Variants in PRR11 observed in about 807,000 individuals in gnomAD.
The protein encoded by PRR11 is proline rich 11, also known as proline-rich protein 11.
A neutral mutation model predicts 45.6 loss-of-function variants in PRR11; 30 were observed. The observed-to-expected ratio is 0.66, with a 90% CI of 0.49 to 0.89. PRR11 has a LOEUF of 0.89. Among genes scored for constraint, PRR11 ranks in the 40% least tolerant of loss-of-function variants. PRR11 has a pLI of 0.00. For missense variants in PRR11, 373 were observed against 424.8 expected, an observed-to-expected ratio of 0.88 and a Z score of 1.07; for synonymous variants, 128 against 153.5, an observed-to-expected ratio of 0.83 and a Z score of 1.23.
chr17:59,169,277 T>C (rs1173665499), intron 1 of PRR11, among the ~76,000 whole-genome samples: 1 of 152,054 alleles, frequency 6.6e-6, no homozygotes, highest in South Asian at 2.1e-4. Context: ...TTTGTATTTT[T>C]AGTAGAGACG....
At chr17:59,177,230 A>G (rs754818372) in intron 2 of PRR11, 1 of 547,292 alleles carries the variant, frequency 1.8e-6, no homozygotes, top group South Asian at 1.4e-5. Flanking sequence ...CGGCTAAAAT[A>G]TGCTATGACC....
At position 59,197,396 on chromosome 17, in the gene PRR11, C is replaced by T. The variant is rs944407562; in HGVS notation, c.858-148C>T. On this transcript the variant is annotated intron_variant, in intron 7 of 9. Coordinates refer to ENST00000262293, the MANE Select transcript of PRR11 (RefSeq NM_018304.4). ...CCTCCCGAGTAGCTGGGACTACAGG[C>T]GCCCACCACCACACCTGGCTAATTT... The T allele has an allele frequency of 7.5e-6, 5 of 669,250 alleles. No homozygotes were observed. The Admixed American group carries it at 1.0e-4, about 14-fold the overall frequency. The allele number at this position is 669,250 out of a possible 1,614,324, so 41.5% of individuals were successfully genotyped here.
intron 1 of PRR11, among the ~76,000 whole-genome samples, chr17:59,158,451 A>G (rs1270310139): frequency 6.6e-6 from 1 of 152,224 alleles, no homozygotes; most frequent in Non-Finnish European, 1.5e-5. Flanking sequence ...GAAAATTTCC[A>G]TGTTTATGTT....
chr17:59,159,794 AC>A (rs1202639576), intron 1 of PRR11, among the ~76,000 whole-genome samples: 1 of 152,132 alleles, frequency 6.6e-6, no homozygotes, highest in African/African-American at 2.4e-5. Flanking sequence ...GCCCACCTTA[AC>A]CTAGCCCCTT....
intron 5 of PRR11, 50 bp from the exon 6 acceptor site, chr17:59,194,707 C>T: frequency 7.1e-7 from 1 of 1,407,432 alleles, no homozygotes; most frequent in Non-Finnish European, 9.9e-7. Flanking sequence ...TTGCATTTCA[C>T]CAGTTGTGCT....
At chr17:59,158,851 C>T (rs2046638405) in intron 1 of PRR11, among the ~76,000 whole-genome samples, 1 of 152,178 alleles carries the variant, frequency 6.6e-6, no homozygotes, top group Non-Finnish European at 1.5e-5. Context: ...TTGGCCCACA[C>T]CCAGGTGTGG....
At chr17:59,177,430 G>A (rs1443441418) in intron 2 of PRR11, among the ~76,000 whole-genome samples, 1 of 152,150 alleles carries the variant, frequency 6.6e-6, no homozygotes, top group Non-Finnish European at 1.5e-5. Flanking sequence ...AAGGTCGGAT[G>A]CAAATCCGAG....
At chr17:59,191,204 CT>C (rs1568326027) in intron 4 of PRR11, among the ~76,000 whole-genome samples, 2 of 112,660 alleles carry the variant, frequency 1.8e-5, no homozygotes, top group South Asian at 3.0e-4. Flanking sequence ...ATGTTTCTTT[CT>C]TTTTTTCTTT....
At chr17:59,156,418 A>G (rs1049098099) in intron 1 of PRR11, among the ~76,000 whole-genome samples, 1 of 152,016 alleles carries the variant, frequency 6.6e-6, no homozygotes, top group African/African-American at 2.4e-5. Context: ...AAAAAAAAAA[A>G]GCATAAAACA....
intron 2 of PRR11, among the ~76,000 whole-genome samples, chr17:59,176,401 G>A (rs2046745854): frequency 6.6e-6 from 1 of 152,152 alleles, no homozygotes; most frequent in South Asian, 2.1e-4. Context: ...CCAGGCTTGG[G>A]GAGAGACTCC....
rs142099154 is a variant in PRR11, at chr17:59,183,547, G to A, written c.129-1507G>A. Among the ~76,000 whole-genome samples the A allele has an allele frequency of 2.6e-3, 399 of 152,222 alleles. 1 individual carries two copies. Among genetic ancestry groups the A allele is most frequent in the African/African-American group, 9.4e-3 (389 of 41,542 alleles). On this transcript the variant is annotated intron_variant, in intron 2 of 9. Transcript: ENST00000262293. ...ACTGGGGGTACACGTGTCCTCTGCC[G>A]TAAGGCATCTTTGAGTCCAAGAGAC... is the stretch of plus-strand genomic sequence containing the variant.
At chr17:59,179,630 C>T (rs2147844951) in intron 2 of PRR11, 1 of 1,514,854 alleles carries the variant, frequency 6.6e-7, no homozygotes, top group Non-Finnish European at 9.0e-7. Flanking sequence ...TGGAGGTGCT[C>T]TCTGGGGTGT....
intron 2 of PRR11, among the ~76,000 whole-genome samples, chr17:59,173,403 A>G (rs1363394175): frequency 6.6e-6 from 1 of 152,196 alleles, no homozygotes; most frequent in Non-Finnish European, 1.5e-5. Context: ...GAATCTTGCT[A>G]CTGGTCACTC....
chr17:59,176,987 G>A (rs949833367), intron 2 of PRR11, among the ~76,000 whole-genome samples: 11 of 152,066 alleles, frequency 7.2e-5, no homozygotes, highest in Admixed American at 2.0e-4. Flanking sequence ...GTGAGCCACC[G>A]CGCCCAGCCT....
In PRR11 at chr17:59,204,533, C is replaced by T. The variant is rs1031476867; in HGVS notation, c.*2902C>T. On this transcript the variant is annotated 3_prime_UTR_variant, in exon 10 of 10. Coordinates refer to ENST00000262293, the MANE Select transcript of PRR11 (RefSeq NM_018304.4). The stretch of plus-strand genomic sequence containing the variant: ...CCTGGCCAACATGGTGAAACCCCGT[C>T]TCTACCAAAAATAAAAATAAAAATT... The T allele has an allele frequency of 6.6e-6, 1 of 151,440 alleles. No individual in the cohort carries two copies. The highest frequency in any genetic ancestry group is 2.4e-5 in the African/African-American group (1 of 41,114). 9.4% of individuals were successfully genotyped at this position (151,440 alleles called of 1,614,324 possible).
At chr17:59,194,928 CT>C in intron 6 of PRR11, 73 bp downstream of exon 6, 2 of 1,239,386 alleles carry the variant, frequency 1.6e-6, no homozygotes, top group Non-Finnish European at 2.3e-6. Context: ...AATCCCAGCA[CT>C]TTGGGAGACC....
rs370915576 is a variant in PRR11, at chr17:59,185,435, T to C, written c.280-5T>C. The C allele has an allele frequency of 2.8e-5, 45 of 1,593,196 alleles. No homozygotes were observed. The highest frequency in any genetic ancestry group is 3.8e-5 in the Non-Finnish European group (44 of 1,168,886). On this transcript the variant is annotated splice_polypyrimidine_tract_variant and splice_region_variant and intron_variant, in intron 3 of 9. Coordinates refer to ENST00000262293, the MANE Select transcript of PRR11 (RefSeq NM_018304.4). The stretch of plus-strand genomic sequence containing the variant: ...GGACTCAGAATTGTTTATTATTAAT[T>C]TCAGAGTTTAGAAGTATTGAAAGAC...
At chr17:59,159,050 C>T (rs887290867) in intron 1 of PRR11, among the ~76,000 whole-genome samples, 5 of 152,178 alleles carry the variant, frequency 3.3e-5, no homozygotes, top group South Asian at 2.1e-4. Flanking sequence ...GAACTCCTGA[C>T]CTCAGGTGAT....
chr17:59,158,236 T>C (rs1167367292), intron 1 of PRR11, among the ~76,000 whole-genome samples: 1 of 152,078 alleles, frequency 6.6e-6, no homozygotes, highest in African/African-American at 2.4e-5. Flanking sequence ...ATTATAAATA[T>C]GAAGAAGCAA....
Sources: gnomAD v4.1 joint callset for allele counts (sites outside exome capture counted in the v4.1 genomes callset) on GRCh38, gnomAD v4.1.1 for gene constraint, MANE v1.5 for transcripts, NCBI Gene and HGNC (gene_info 2026-07-23, HGNC 2026-07-21) for gene names.